Variants in KIFC2 observed in about 807,000 individuals in gnomAD.
The protein encoded by KIFC2 is kinesin-like protein KIFC2.
Under a neutral mutation model 91.5 loss-of-function variants are expected in KIFC2, and 94 were observed. The ratio of observed to expected loss-of-function variants is 1.03; its 90% CI spans 0.87 to 1.22. The LOEUF is 1.22. Among genes scored for constraint, KIFC2 ranks in the 50% most tolerant of loss-of-function variants. The probability of loss-of-function intolerance (pLI) is 0.00; values close to 1 mark genes in which losing one functional copy is unlikely to be tolerated. For missense variants in KIFC2, 1,357 were observed against 1,103.3 expected, an observed-to-expected ratio of 1.23 and a Z score of -3.26; for synonymous variants, 729 against 503.9, an observed-to-expected ratio of 1.45 and a Z score of -5.98.
intron 12 of KIFC2, among the ~76,000 whole-genome samples, chr8:144,470,877 G>A (rs897190514): frequency 6.6e-5 from 10 of 152,386 alleles, no homozygotes; most frequent in African/African-American, 1.9e-4. Context: ...TCTCTCAGGG[G>A]AAAGTGAGGC....
At chr8:144,468,081 C>G (rs368522455) in intron 7 of KIFC2, 94 bp downstream of exon 7, 41 of 1,421,618 alleles carry the variant, frequency 2.9e-5, no homozygotes, top group Middle Eastern at 2.5e-4. Flanking sequence ...CAGGACCTCC[C>G]GGGATGGTCT....
intron 12 of KIFC2, 30 bp from the exon 13 acceptor site, chr8:144,471,912 A>G: frequency 1.2e-6 from 2 of 1,600,428 alleles, no homozygotes; most frequent in Non-Finnish European, 1.7e-6. Flanking sequence ...CGTGGGGAGG[A>G]CTCAAAACAC....
rs912868766 is a variant in KIFC2 at position 144,472,965 on chromosome 8, C to G, written c.2032C>G (p.Pro678Ala). 96 of 1,460,460 alleles carry G rather than the reference C, an allele frequency of 6.6e-5. No individual in the cohort carries two copies. The highest frequency in any genetic ancestry group is 8.1e-5 in the Non-Finnish European group (90 of 1,114,020). The allele number at this position is 1,460,460 out of a possible 1,614,324, so 90.5% of individuals were successfully genotyped here. A position where few individuals can be genotyped will look rare whatever the true frequency, so the allele number is the denominator to read the frequency against. ...GATGGCCGCACTGCGGGCCCACCGG[C>G]CGCACGTGCCCTTCCGCGACTCGCA... ...GVMAALRAHR[P>A]HVPFRDSQLT... The change falls in exon 17 of 18, where the codon CCG (proline) becomes GCG (alanine). Residue 678 changes from proline (P) to alanine (A), a missense_variant. Coordinates refer to ENST00000645548, the MANE Select transcript of KIFC2 (RefSeq NM_001369769.2).
rs368447948 is a variant in KIFC2 at position 144,468,826 on chromosome 8, C to T, written c.1105C>T (p.Arg369Trp). The change falls in exon 10 of 18, where the codon CGG becomes TGG. Residue 369 changes from arginine (R) to tryptophan (W), a missense_variant. By Grantham distance (101) the Arg-to-Trp change is moderately radical (BLOSUM62 -3). Coordinates refer to ENST00000645548, the MANE Select transcript of KIFC2 (RefSeq NM_001369769.2). ...CTGTCAGGGTTCGCTGAGTGAGGCC[C>T]GGGGCCAGGTCAGGACCCCTCCCCG... ...QSCQGSLSEA[R>W]GQVSWALGAL... 4.0e-5 allele frequency: 64 copies of T among 1,613,358 alleles called. No homozygotes were observed. The Middle Eastern group carries it at 6.6e-4, about 17-fold the overall frequency.
Position 144,472,013 on chromosome 8 carries a change from C to T in KIFC2, c.1452C>T (p.Gly484=), listed in dbSNP as rs1334050502. 6.2e-7 allele frequency: 1 copy of T among 1,613,552 alleles called. No homozygotes were observed. The highest frequency in any genetic ancestry group is 1.1e-5 in the South Asian group (1 of 91,090). ...ACAGCGTCTGCATCTTCACCTATGG[C>T]CAGACAGGCACCGGGAAGACCTACA... is the stretch of plus-strand genomic sequence containing the variant. The part of the protein sequence containing the change: ...RGYSVCIFTY[G]QTGTGKTYSM... Residue 484 remains glycine (G), a synonymous_variant, in exon 13 of 18, where the codon GGC becomes GGT. Transcript: ENST00000645548.
intron 7 of KIFC2, 155 bp downstream of exon 7, chr8:144,468,142 C>T (rs545116580): frequency 9.9e-6 from 11 of 1,111,998 alleles, no homozygotes; most frequent in East Asian, 7.7e-5. Flanking sequence ...AGACCCCCCT[C>T]TCCGTGGCCC....
rs944646137 is a variant in KIFC2 at position 144,469,183 on chromosome 8, C to G, written c.1114-88C>G. 31 of 1,111,254 alleles carry G rather than the reference C, an allele frequency of 2.8e-5. No individual in the cohort carries two copies. In the African/African-American group the frequency reaches 4.6e-4, roughly 16 times the overall value. 68.8% of individuals were successfully genotyped at this position (1,111,254 alleles called of 1,614,324 possible). ...GCACAGCTGAGCGGGCCTGTGGGGG[C>G]TCCCTGCTGCTCTCAGGACCCTCCC... On this transcript the variant is annotated intron_variant, in intron 10 of 17. Transcript: ENST00000645548.
At position 144,472,228 on chromosome 8, in the gene KIFC2, A is replaced by T; in HGVS notation, c.1576A>T (p.Ser526Cys). 1 of 1,612,968 alleles carries T rather than the reference A, an allele frequency of 6.2e-7. No individual in the cohort carries two copies. The highest frequency in any genetic ancestry group is 1.7e-4 in the Middle Eastern group (1 of 6,060). ...GAGRQHRVTL[S>C]MVEIYNEAVR... Reference sequence around the variant, plus strand: ...CGGCCGGCAGCACCGGGTGACACTCAGCATGGTGGAGATCTACAATGAGGC... The same window carrying T: ...CGGCCGGCAGCACCGGGTGACACTCTGCATGGTGGAGATCTACAATGAGGC... The change falls in exon 14 of 18, where the codon AGC becomes TGC. Residue 526 changes from serine (S) to cysteine (C), a missense_variant. Coordinates refer to ENST00000645548, the MANE Select transcript of KIFC2 (RefSeq NM_001369769.2).
chr8:144,472,843 C>T lies in KIFC2; in HGVS notation c.1910C>T (p.Ala637Val), dbSNP rs1586725425. ...GCGGGATCCGAACGCGCACGGAAGG[C>T]AGGGGCGGCCGGCCCGCCGCGGGGA... The part of the protein sequence containing the change: ...DLAGSERARK[A>V]GAAGPPRGDP... Residue 637 changes from alanine to valine, a missense_variant, in exon 17 of 18, where the codon GCA (alanine) becomes GTA (valine). Physicochemically the swap from Ala to Val is moderately conservative, Grantham distance 64. Transcript: ENST00000645548. 1.3e-6 allele frequency: 2 copies of T among 1,558,168 alleles called. No individual in the cohort carries two copies. The highest frequency in any genetic ancestry group is 1.7e-6 in the Non-Finnish European group (2 of 1,164,230).
rs1251167801 is a variant in KIFC2 at position 144,467,270 on chromosome 8, G to A, written c.398G>A (p.Ser133Asn). 1.2e-6 allele frequency: 2 copies of A among 1,613,386 alleles called. No individual in the cohort carries two copies. Among genetic ancestry groups the A allele is most frequent in the Non-Finnish European group, 1.7e-6 (2 of 1,180,030 alleles). ...TTGGCCCTTCTGGCATGGCTTCGAA[G>A]CCCCAGGGGGAGGCAGGCCCTGCTC... ...QLLALLAWLRSPRGRQALLQG... is the reference protein window; with the variant it reads ...QLLALLAWLRNPRGRQALLQG... The change falls in exon 4 of 18, where the codon AGC becomes AAC. Residue 133 changes from serine to asparagine, a missense_variant. Physicochemically the swap from Ser to Asn is conservative, Grantham distance 46 (BLOSUM62 1). Transcript: ENST00000645548.
rs375550731 is a variant in KIFC2, at chr8:144,466,441, C to G, written c.22C>G (p.Leu8Val). The change falls in exon 1 of 18, where the codon CTC (leucine) becomes GTC (valine). Residue 8 changes from leucine (L) to valine (V), a missense_variant. Leu to Val is a conservative substitution (Grantham distance 32, BLOSUM62 1). Coordinates refer to ENST00000645548, the MANE Select transcript of KIFC2 (RefSeq NM_001369769.2). ...TCCCATGTACGCCTTTTACTCGTTG[C>G]TCATCTACATCTTCTACAGCCTCTT... MYAFYSLLIYIFYSLFRR... is the reference protein window; with the variant it reads MYAFYSLVIYIFYSLFRR... The G allele has an allele frequency of 2.3e-5, 31 of 1,361,472 alleles. No individual in the cohort carries two copies. Among genetic ancestry groups the G allele is most frequent in the South Asian group, 8.1e-5 (5 of 61,570 alleles). 84.3% of individuals were successfully genotyped at this position (1,361,472 alleles called of 1,614,324 possible). A position where few individuals can be genotyped will look rare whatever the true frequency, so the allele number is the denominator to read the frequency against.
chr8:144,466,723 G>T (rs984613780), intron 1 of KIFC2, 37 bp from the exon 2 acceptor site: 1 of 1,473,720 alleles, frequency 6.8e-7, no homozygotes, highest in Admixed American at 2.2e-5. Context: ...CAGGCTGCCT[G>T]CCCCCCTCCT....
chr8:144,467,312 C>T lies in KIFC2; in HGVS notation c.440C>T (p.Ala147Val). 1 of 1,611,062 alleles carries T rather than the reference C, an allele frequency of 6.2e-7. No individual in the cohort carries two copies. The highest frequency in any genetic ancestry group is 8.5e-7 in the Non-Finnish European group (1 of 1,178,882). ...RQALLQGTQP[A>V]PRVRPPSPDG... ...GCCCTGCTCCAGGGGACTCAGCCAG[C>T]CCCTCGGGTCCGGCCCCCCTCTCCA... Residue 147 changes from alanine (A) to valine (V), a missense_variant, in exon 4 of 18, where the codon GCC becomes GTC. Ala to Val is a moderately conservative substitution (Grantham distance 64). Transcript: ENST00000645548.
chr8:144,473,522 C>G lies in KIFC2; in HGVS notation c.*133C>G. 7.5e-7 allele frequency: 1 copy of G among 1,339,764 alleles called. No individual in the cohort carries two copies. Among genetic ancestry groups the G allele is most frequent in the Non-Finnish European group, 9.8e-7 (1 of 1,018,480 alleles). 83.0% of individuals were successfully genotyped at this position (1,339,764 alleles called of 1,614,324 possible). A position where few individuals can be genotyped will look rare whatever the true frequency, so the allele number is the denominator to read the frequency against. On this transcript the variant is annotated 3_prime_UTR_variant, in exon 18 of 18. Transcript: ENST00000645548. ...TTTGGATCCATTGCCCCTGAGCTCC[C>G]AGAGTCACCCCTCCACCTCCGCAGC...
rs1825031255 is a variant in KIFC2, at chr8:144,473,535, C to G, written c.*146C>G. The G allele has an allele frequency of 8.0e-7, 1 of 1,252,408 alleles. No individual in the cohort carries two copies. Among genetic ancestry groups the G allele is most frequent in the Non-Finnish European group, 1.1e-6 (1 of 940,600 alleles). The allele number at this position is 1,252,408 out of a possible 1,614,324, so 77.6% of individuals were successfully genotyped here. A position where few individuals can be genotyped will look rare whatever the true frequency, so the allele number is the denominator to read the frequency against. ...CCCCTGAGCTCCCAGAGTCACCCCT[C>G]CACCTCCGCAGCCAGTGAAGTGTGT... On this transcript the variant is annotated 3_prime_UTR_variant, in exon 18 of 18. Coordinates refer to ENST00000645548, the MANE Select transcript of KIFC2 (RefSeq NM_001369769.2).
chr8:144,469,766 G>T, intron 12 of KIFC2, 119 bp downstream of exon 12: 1 of 1,289,836 alleles, frequency 7.8e-7, no homozygotes, highest in South Asian at 1.5e-5. Context: ...GGGTGGCTGG[G>T]CTCTAGCCAG....
rs1429249068 is a variant in KIFC2 at position 144,474,089 on chromosome 8, G to A, written c.*700G>A. On this transcript the variant is annotated 3_prime_UTR_variant, in exon 18 of 18. Coordinates refer to ENST00000645548, the MANE Select transcript of KIFC2 (RefSeq NM_001369769.2). ...CAGCTGGGCCACGGCCATGCGTGGG[G>A]TGGCCCAATAAACACCGTGGACTCC... is the stretch of plus-strand genomic sequence containing the variant. 3.1e-6 allele frequency: 2 copies of A among 642,688 alleles called. No individual in the cohort carries two copies. Among genetic ancestry groups the A allele is most frequent in the Non-Finnish European group, 5.3e-6 (2 of 375,422 alleles). The allele number at this position is 642,688 out of a possible 1,614,324, so 39.8% of individuals were successfully genotyped here.
chr8:144,466,503 C>G lies in KIFC2; in HGVS notation c.84C>G (p.Pro28=). Residue 28 remains proline, a synonymous_variant, in exon 1 of 18, where the codon CCC becomes CCG. Coordinates refer to ENST00000645548, the MANE Select transcript of KIFC2 (RefSeq NM_001369769.2). ...RDGGAAAAAE[P]GDPAQRARKP... is the part of the protein sequence containing the mutation. ...GTGGCGCCGCGGCGGCCGCGGAGCC[C>G]GGGGACCCCGCCCAGGTGAGCGGGG... 7.7e-7 allele frequency: 1 copy of G among 1,301,076 alleles called. No homozygotes were observed. Among genetic ancestry groups the G allele is most frequent in the South Asian group, 2.0e-5 (1 of 48,866 alleles). 80.6% of individuals were successfully genotyped at this position (1,301,076 alleles called of 1,614,324 possible). A position where few individuals can be genotyped will look rare whatever the true frequency, so the allele number is the denominator to read the frequency against.
Position 144,469,252 on chromosome 8 carries a change from T to C in KIFC2, c.1114-19T>C. On this transcript the variant is annotated intron_variant, in intron 10 of 17. Transcript: ENST00000645548. ...TCCTTGGCTGACCCCTTGCCTTCTG[T>C]ACATCCCTGTTCCCTCAGGTGTCCT... 2.6e-6 allele frequency: 4 copies of C among 1,567,754 alleles called. No individual in the cohort carries two copies. The highest frequency in any genetic ancestry group is 3.5e-6 in the Non-Finnish European group (4 of 1,156,082).
Sources: gnomAD v4.1 joint callset for allele counts (sites outside exome capture counted in the v4.1 genomes callset) on GRCh38, gnomAD v4.1.1 for gene constraint, MANE v1.5 for transcripts, NCBI Gene and HGNC (gene_info 2026-07-23, HGNC 2026-07-21) for gene names.